Variants in RBFOX1 observed in about 807,000 individuals in gnomAD.
RBFOX1 encodes RNA binding protein fox-1 homolog 1.
A neutral mutation model predicts 57.7 loss-of-function variants in RBFOX1; 8 were observed. The ratio of observed to expected loss-of-function variants is 0.14; its 90% CI spans 0.08 to 0.25. The LOEUF is 0.25. Ranked by LOEUF, RBFOX1 falls within the 10% of genes least tolerant of loss-of-function variation. The probability of loss-of-function intolerance (pLI) is 1.00; values close to 1 mark genes in which losing one functional copy is unlikely to be tolerated. For missense variants in RBFOX1, 611 were observed against 548.5 expected (o/e 1.11, Z -1.14); for synonymous variants, 326 against 222.4 (o/e 1.47, Z -4.15).
intron 11 of RBFOX1, among the ~76,000 whole-genome samples, chr16:7,644,249 C>T (rs1187468639): frequency 6.6e-6 from 1 of 152,156 alleles, no homozygotes. Flanking sequence ...AAGATAGCAA[C>T]AATCATGGTT....
intron 14 of RBFOX1, among the ~76,000 whole-genome samples, chr16:7,702,028 A>G (rs779087499): frequency 2.6e-5 from 4 of 152,188 alleles, no homozygotes; most frequent in African/African-American, 9.7e-5. Flanking sequence ...GTACCTGCAT[A>G]GTGCACTGAG....
chr16:7,373,824 G>A (rs74010680), intron 4 of RBFOX1, among the ~76,000 whole-genome samples: 2,296 of 152,298 alleles, frequency 0.015, 59 homozygotes, highest in African/African-American at 0.053. Context: ...TTTTCAAGAA[G>A]ATGGACACAT....
At chr16:6,067,909 T>C (rs1305811949) in intron 1 of RBFOX1, among the ~76,000 whole-genome samples, 3 of 152,218 alleles carry the variant, frequency 2.0e-5, no homozygotes, top group South Asian at 4.1e-4. Context: ...TTGGGGTAAA[T>C]TTATGATCAT....
intron 3 of RBFOX1, among the ~76,000 whole-genome samples, chr16:7,021,247 C>A (rs913913681): frequency 2.0e-5 from 3 of 151,582 alleles, no homozygotes; most frequent in Non-Finnish European, 4.4e-5. Flanking sequence ...CGTCGGCCCC[C>A]ACCTCATTTG....
In RBFOX1 at chr16:6,745,608, T is replaced by G. The variant is rs200293895; in HGVS notation, c.-16+90958T>G. 2.0e-4 allele frequency among the ~76,000 whole-genome samples: 30 copies of G among 152,326 alleles called. 1 individual carries two copies. The East Asian group carries it at 5.0e-3, about 25-fold the overall frequency. On this transcript the variant is annotated intron_variant, in intron 3 of 15. Coordinates refer to ENST00000550418, the MANE Select transcript of RBFOX1 (RefSeq NM_018723.4). The stretch of plus-strand genomic sequence containing the variant: ...GACAAAATCCAAAATGGATTCTAGT[T>G]TTTTAAAAAGCTCAGCAAGAATAGA...
intron 2 of RBFOX1, among the ~76,000 whole-genome samples, chr16:5,557,551 A>T (rs2045726656): frequency 6.6e-6 from 1 of 152,190 alleles, no homozygotes; most frequent in Admixed American, 6.5e-5. Flanking sequence ...TCACTCCAGG[A>T]AGGCAACTTT....
At chr16:5,734,948 T>C (rs188143470) in intron 3 of RBFOX1, among the ~76,000 whole-genome samples, 2 of 152,172 alleles carry the variant, frequency 1.3e-5, no homozygotes, top group East Asian at 3.9e-4. Context: ...ATAGTAGATG[T>C]GCAGATAAAG....
intron 3 of RBFOX1, among the ~76,000 whole-genome samples, chr16:6,664,712 G>T (rs2098721319): frequency 6.6e-6 from 1 of 152,212 alleles, no homozygotes; most frequent in Non-Finnish European, 1.5e-5. Context: ...AGGCAGGGAT[G>T]GAAGTCAGTT....
chr16:6,019,798 C>G lies in RBFOX1; in HGVS notation c.-321C>G, dbSNP rs905966897. On this transcript the variant is annotated 5_prime_UTR_variant, in exon 1 of 16. Coordinates refer to ENST00000550418, the MANE Select transcript of RBFOX1 (RefSeq NM_018723.4). The surrounding 1 kb of genome is among the most constrained non-coding windows in gnomAD (Gnocchi z 4.2). ...GCCAGGGTCCCCGCCTGTCCGGACC[C>G]TCGCCGCGCCCAGGCAGGCGCGCCA... is the stretch of plus-strand genomic sequence containing the variant. The G allele has an allele frequency of 1.1e-5, 16 of 1,482,670 alleles. 2 individuals are homozygous for G. In the East Asian group the frequency reaches 3.1e-4, roughly 29 times the overall value. The allele number at this position is 1,482,670 out of a possible 1,614,324, so 91.8% of individuals were successfully genotyped here. A position where few individuals can be genotyped will look rare whatever the true frequency, so the allele number is the denominator to read the frequency against.
At chr16:6,604,508 G>C (rs1481293580) in intron 2 of RBFOX1, among the ~76,000 whole-genome samples, 2 of 152,096 alleles carry the variant, frequency 1.3e-5, no homozygotes, top group African/African-American at 2.4e-5. Flanking sequence ...TTATAAAGTA[G>C]AGGTTAAATG....
chr16:5,766,315 G>C (rs2053776339), intron 3 of RBFOX1, among the ~76,000 whole-genome samples: 1 of 152,070 alleles, frequency 6.6e-6, no homozygotes. Flanking sequence ...GGCTGGGCAC[G>C]GTGGCTCACG....
intron 3 of RBFOX1, among the ~76,000 whole-genome samples, chr16:5,668,394 A>G (rs1193330693): frequency 6.6e-6 from 1 of 152,218 alleles, no homozygotes; most frequent in Non-Finnish European, 1.5e-5. Context: ...TCCCGACCTT[A>G]ACACAGAGCT....
At chr16:5,675,076 A>G (rs1046912010) in intron 3 of RBFOX1, among the ~76,000 whole-genome samples, 4 of 152,266 alleles carry the variant, frequency 2.6e-5, no homozygotes, top group Admixed American at 2.0e-4. Flanking sequence ...TGAGCCCAAG[A>G]GGTCAAGGCT....
chr16:5,685,958 T>C (rs2050491822), intron 3 of RBFOX1, among the ~76,000 whole-genome samples: 1 of 152,228 alleles, frequency 6.6e-6, no homozygotes, highest in African/African-American at 2.4e-5. Flanking sequence ...AATGGGGACA[T>C]GAATGAAGCA....
At chr16:7,270,498 A>G (rs1282848489) in intron 4 of RBFOX1, among the ~76,000 whole-genome samples, 2 of 152,196 alleles carry the variant, frequency 1.3e-5, no homozygotes, top group Admixed American at 6.5e-5. Context: ...CCTAACAATG[A>G]TAAGGGAAGG....
chr16:5,380,038 G>A (rs955035058), intron 1 of RBFOX1, among the ~76,000 whole-genome samples: 1 of 152,170 alleles, frequency 6.6e-6, no homozygotes, highest in African/African-American at 2.4e-5. Context: ...ACAGCACCCA[G>A]CTGTGACAGG....
chr16:6,825,966 G>A (rs1217664844), intron 3 of RBFOX1, among the ~76,000 whole-genome samples: 2 of 152,138 alleles, frequency 1.3e-5, no homozygotes, highest in Non-Finnish European at 2.9e-5. Flanking sequence ...AACGATACGA[G>A]TTTCCATGTC....
At chr16:7,509,291 A>C (rs1318596072) in intron 4 of RBFOX1, among the ~76,000 whole-genome samples, 1 of 152,148 alleles carries the variant, frequency 6.6e-6, no homozygotes, top group East Asian at 1.9e-4. Context: ...ACTTGACTGT[A>C]AGGTCTATAG....
intron 1 of RBFOX1, among the ~76,000 whole-genome samples, chr16:6,283,785 T>A (rs749837008): frequency 9.9e-5 from 15 of 152,208 alleles, no homozygotes; most frequent in Non-Finnish European, 2.1e-4. Flanking sequence ...AAATTGTATA[T>A]CTGGGAAGTC....
Sources: allele counts gnomAD v4.1 joint callset (sites outside exome capture counted in the v4.1 genomes callset), GRCh38; gene constraint gnomAD v4.1.1; non-coding constraint Gnocchi (gnomAD v3.1); transcripts MANE v1.5; gene names NCBI Gene and HGNC (gene_info 2026-07-23, HGNC 2026-07-21).